Variants in POU2F1 observed in about 807,000 individuals in gnomAD.
POU2F1 encodes the protein POU class 2 homeobox 1.
POU2F1 carries 16 observed loss-of-function variants against 84.9 expected under a neutral mutation model. That is an observed-to-expected ratio of 0.19 (90% confidence interval 0.13 to 0.29). The LOEUF is 0.29. Ranked by LOEUF, POU2F1 falls within the 10% of genes least tolerant of loss-of-function variation. POU2F1 has a pLI of 1.00. For synonymous variants in POU2F1, 368 were observed against 368.3 expected (o/e 1.00, Z 0.01); for missense variants, 738 against 942.6 (o/e 0.78, Z 2.84).
intron 2 of POU2F1, among the ~76,000 whole-genome samples, chr1:167,356,169 T>C (rs1005719761): frequency 3.3e-5 from 5 of 149,444 alleles, no homozygotes; most frequent in Admixed American, 6.6e-5. Context: ...TTTTCTTTTT[T>C]TTTTTTTTTT....
chr1:167,405,464 G>A (rs559566877), intron 13 of POU2F1, among the ~76,000 whole-genome samples: 2 of 151,510 alleles, frequency 1.3e-5, no homozygotes, highest in African/African-American at 4.8e-5. Context: ...GATCGCTTGG[G>A]TCCAGGAGTT....
At chr1:167,279,399 T>A (rs1184948070) in intron 1 of POU2F1, among the ~76,000 whole-genome samples, 1 of 152,088 alleles carries the variant, frequency 6.6e-6, no homozygotes, top group Admixed American at 6.5e-5. Flanking sequence ...TGTAACAGAG[T>A]TAAGAGAATA....
At chr1:167,274,104 G>T (rs1470984398) in intron 1 of POU2F1, among the ~76,000 whole-genome samples, 6 of 152,164 alleles carry the variant, frequency 3.9e-5, no homozygotes, top group African/African-American at 1.4e-4. Context: ...AATAGTTGAA[G>T]AGTAATAAGG....
chr1:167,329,806 G>C (rs1398305683), intron 1 of POU2F1, among the ~76,000 whole-genome samples: 1 of 152,180 alleles, frequency 6.6e-6, no homozygotes, highest in African/African-American at 2.4e-5. Context: ...ACTGGTTGCT[G>C]CAACAGATCT....
chr1:167,415,416 T>G lies in POU2F1; in HGVS notation c.1991-84T>G, dbSNP rs112564999. On this transcript the variant is annotated intron_variant, in intron 15 of 15. Coordinates refer to ENST00000367866, the MANE Select transcript of POU2F1 (RefSeq NM_002697.4). The stretch of plus-strand genomic sequence containing the variant: ...TTCCTGGTGGGTTGTAGGAAAATGA[T>G]AGACTTTTGATGTGTTATTTGGCTT... 21 of 1,439,374 alleles carry G rather than the reference T, an allele frequency of 1.5e-5. 1 individual carries two copies. The highest frequency in any genetic ancestry group is 1.3e-4 in the African/African-American group (9 of 70,500). 89.2% of individuals were successfully genotyped at this position (1,439,374 alleles called of 1,614,324 possible).
intron 1 of POU2F1, among the ~76,000 whole-genome samples, chr1:167,301,291 C>T (rs1379533727): frequency 1.3e-5 from 2 of 152,150 alleles, no homozygotes; most frequent in African/African-American, 4.8e-5. Context: ...TGGTGATGGG[C>T]ATTTTGTAAC....
At chr1:167,394,398 T>G (rs1254321784) in intron 9 of POU2F1, among the ~76,000 whole-genome samples, 1 of 152,198 alleles carries the variant, frequency 6.6e-6, no homozygotes, top group Non-Finnish European at 1.5e-5. Flanking sequence ...TTAGACATAT[T>G]TGTATACAGT....
In POU2F1 at chr1:167,425,629, G is replaced by A. The variant is rs536552236; in HGVS notation, c.*9819G>A. 1 of 152,662 alleles carries A rather than the reference G, an allele frequency of 6.6e-6. No homozygotes were observed. The highest frequency in any genetic ancestry group is 2.1e-4 in the South Asian group (1 of 4,822). 9.5% of individuals were successfully genotyped at this position (152,662 alleles called of 1,614,324 possible). Reference sequence around the variant, plus strand: ...GGGACTTAGCACAGGGCCTAGGGAGGGTGGGAGCTGCTGCTGGACTGGCCC... The same window carrying A: ...GGGACTTAGCACAGGGCCTAGGGAGAGTGGGAGCTGCTGCTGGACTGGCCC... On this transcript the variant is annotated 3_prime_UTR_variant, in exon 16 of 16. Coordinates refer to ENST00000367866, the MANE Select transcript of POU2F1 (RefSeq NM_002697.4).
At chr1:167,289,418 A>G (rs1489760661) in intron 1 of POU2F1, among the ~76,000 whole-genome samples, 3 of 152,226 alleles carry the variant, frequency 2.0e-5, no homozygotes, top group African/African-American at 7.2e-5. Flanking sequence ...GGAGAAGTAC[A>G]TACAGAAAAT....
chr1:167,331,157 A>G (rs774908192), intron 1 of POU2F1, among the ~76,000 whole-genome samples: 2 of 152,108 alleles, frequency 1.3e-5, no homozygotes, highest in Non-Finnish European at 2.9e-5. Context: ...TGAACATTAG[A>G]AGACCAAACC....
intron 1 of POU2F1, among the ~76,000 whole-genome samples, chr1:167,323,382 G>A (rs1311814642): frequency 6.6e-6 from 1 of 152,212 alleles, no homozygotes; most frequent in African/African-American, 2.4e-5. Context: ...GATTGTTAGA[G>A]TGAACAGTAG....
intron 2 of POU2F1, among the ~76,000 whole-genome samples, chr1:167,340,431 C>CTTTTTTTTTTT (rs761386225): frequency 9.0e-5 from 11 of 122,326 alleles, no homozygotes; most frequent in African/African-American, 3.1e-4. Context: ...TTCTTTTTTT[C>CTTTTTTTTTTT]TTTTTTTTTT....
intron 1 of POU2F1, among the ~76,000 whole-genome samples, chr1:167,288,840 A>G (rs903544572): frequency 2.0e-5 from 3 of 152,192 alleles, no homozygotes; most frequent in African/African-American, 7.2e-5. Flanking sequence ...TTCCGTTCAA[A>G]ATGTTCTCAG....
At chr1:167,296,980 G>A (rs1654325655) in intron 1 of POU2F1, among the ~76,000 whole-genome samples, 1 of 152,012 alleles carries the variant, frequency 6.6e-6, no homozygotes, top group Non-Finnish European at 1.5e-5. Context: ...GGCTAGAAAT[G>A]GTGCAGGTAT....
At chr1:167,296,216 C>T (rs565929291) in intron 1 of POU2F1, among the ~76,000 whole-genome samples, 28 of 152,138 alleles carry the variant, frequency 1.8e-4, no homozygotes, top group Admixed American at 1.7e-3. Context: ...CAGAAAGAAT[C>T]CAGTTTTATG....
intron 1 of POU2F1, among the ~76,000 whole-genome samples, chr1:167,244,629 G>T (rs1430692112): frequency 6.6e-6 from 1 of 152,134 alleles, no homozygotes; most frequent in East Asian, 1.9e-4. Context: ...AAGGGGAAGG[G>T]GCTACACAAG....
At chr1:167,278,169 G>T (rs1652869211) in intron 1 of POU2F1, among the ~76,000 whole-genome samples, 1 of 152,126 alleles carries the variant, frequency 6.6e-6, no homozygotes, top group African/African-American at 2.4e-5. Flanking sequence ...CTTTTGTTCA[G>T]ATTCTCACAG....
intron 7 of POU2F1, among the ~76,000 whole-genome samples, chr1:167,381,367 G>C (rs1212081490): frequency 2.0e-5 from 3 of 152,156 alleles, no homozygotes; most frequent in Non-Finnish European, 4.4e-5. Context: ...ACAGGCGTGA[G>C]CCATGGCGCC....
At chr1:167,286,926 C>T (rs983080574) in intron 1 of POU2F1, among the ~76,000 whole-genome samples, 1 of 152,142 alleles carries the variant, frequency 6.6e-6, no homozygotes, top group Non-Finnish European at 1.5e-5. Context: ...CCAGGGCAAT[C>T]GAAGAGAAAA....
Sources: allele counts gnomAD v4.1 joint callset (sites outside exome capture counted in the v4.1 genomes callset), GRCh38; gene constraint gnomAD v4.1.1; transcripts MANE v1.5; gene names NCBI Gene and HGNC (gene_info 2026-07-23, HGNC 2026-07-21).